Variants in NPLOC4 observed in about 807,000 individuals in gnomAD.
NPLOC4 encodes nuclear protein localization protein 4 homolog.
In NPLOC4, 18 loss-of-function variants were observed where a neutral mutation model predicts 80.6. The ratio of observed to expected loss-of-function variants is 0.22; its 90% CI spans 0.15 to 0.33. NPLOC4 has a LOEUF of 0.33. Among genes scored for constraint, NPLOC4 ranks in the 10% least tolerant of loss-of-function variants. The pLI is 1.00. For synonymous variants in NPLOC4, 313 were observed against 301.5 expected (o/e 1.04, Z -0.39); for missense variants, 540 against 786.1 (o/e 0.69, Z 3.74).
chr17:81,607,415 CTG>C (rs1454630170), intron 6 of NPLOC4, among the ~76,000 whole-genome samples: 2 of 150,068 alleles, frequency 1.3e-5, no homozygotes, highest in East Asian at 3.9e-4. Context: ...AAAAAGAAAT[CTG>C]TATCTTTAAG....
At chr17:81,620,308 C>T (rs982331778) in intron 3 of NPLOC4, among the ~76,000 whole-genome samples, 4 of 152,018 alleles carry the variant, frequency 2.6e-5, no homozygotes, top group African/African-American at 9.7e-5. Context: ...CCAGCTTGGC[C>T]AACTTAGTGA....
chr17:81,617,081 C>T (rs955849865), intron 3 of NPLOC4, among the ~76,000 whole-genome samples: 1 of 152,122 alleles, frequency 6.6e-6, no homozygotes, highest in Non-Finnish European at 1.5e-5. Context: ...CCAACAGTCA[C>T]GAGACCCAAG....
At chr17:81,636,806 G>C (rs890506059) in intron 1 of NPLOC4, 110 bp downstream of exon 1, 4 of 1,181,466 alleles carry the variant, frequency 3.4e-6, no homozygotes, top group African/African-American at 1.6e-5. Context: ...CGAGAGAAGA[G>C]AAAGGGGCCG....
At chr17:81,576,860 G>A (rs1009805268) in intron 12 of NPLOC4, among the ~76,000 whole-genome samples, 3 of 152,178 alleles carry the variant, frequency 2.0e-5, no homozygotes, top group Non-Finnish European at 4.4e-5. Flanking sequence ...TCACGGGCGC[G>A]AGGGCAAGGC....
Position 81,572,171 on chromosome 17 carries a change from A to G in NPLOC4, c.1282-83T>C. 1 of 614,192 alleles carries G rather than the reference A, an allele frequency of 1.6e-6. No homozygotes were observed. The highest frequency in any genetic ancestry group is 2.6e-6 in the Non-Finnish European group (1 of 391,718). The allele number at this position is 614,192 out of a possible 1,614,324, so 38.0% of individuals were successfully genotyped here. ...CTTTCACATGCTTGTCTCACCTTTTATTTAATTAATTAATTTATTTATTTA... is the reference window on the plus strand; with the variant it reads ...CTTTCACATGCTTGTCTCACCTTTTGTTTAATTAATTAATTTATTTATTTA... On this transcript the variant is annotated intron_variant, in intron 12 of 16. Coordinates refer to ENST00000331134, the MANE Select transcript of NPLOC4 (RefSeq NM_017921.4). This position sits in a 1 kb window ranked among gnomAD's most constrained non-coding sequence, Gnocchi z 4.5.
At chr17:81,628,152 A>C (rs2035845219) in intron 2 of NPLOC4, among the ~76,000 whole-genome samples, 1 of 151,742 alleles carries the variant, frequency 6.6e-6, no homozygotes, top group African/African-American at 2.4e-5. Context: ...CGGAGCTTGC[A>C]GTGAGCCAAG....
chr17:81,600,411 C>A lies in NPLOC4; in HGVS notation c.851G>T (p.Ser284Ile). The A allele has an allele frequency of 6.2e-7, 1 of 1,612,426 alleles. No individual in the cohort carries two copies. The highest frequency in any genetic ancestry group is 8.5e-7 in the Non-Finnish European group (1 of 1,179,260). ...YEPPQIGTQN[S>I]LELLEDPKAE... is the part of the protein sequence containing the mutation. Reference sequence around the variant, plus strand: ...TTTTGGATCCTCAAGAAGCTCCAAGCTGTTCTGTGTACCAATCTGCAGGGA... The same window carrying A: ...TTTTGGATCCTCAAGAAGCTCCAAGATGTTCTGTGTACCAATCTGCAGGGA... Residue 284 changes from serine (S) to isoleucine (I), a missense_variant, in exon 9 of 17, where the codon AGC becomes ATC. Transcript: ENST00000331134.
At chr17:81,593,653 T>C (rs1598644267) in intron 11 of NPLOC4, among the ~76,000 whole-genome samples, 2 of 152,086 alleles carry the variant, frequency 1.3e-5, no homozygotes, top group East Asian at 3.9e-4. Context: ...TGTACCCAGA[T>C]ATCAGCCTAC....
chr17:81,568,993 G>A, intron 14 of NPLOC4, 23 bp downstream of exon 14: 1 of 1,430,960 alleles, frequency 7.0e-7, no homozygotes, highest in Non-Finnish European at 9.8e-7. Flanking sequence ...CTTAAATTAT[G>A]TTTCTAAAGA....
chr17:81,617,249 AG>A (rs370648770), intron 3 of NPLOC4, among the ~76,000 whole-genome samples: 2,098 of 152,270 alleles, frequency 0.014, 58 homozygotes, highest in African/African-American at 0.048. Context: ...AGACAGATTT[AG>A]GGGGAAAAAA....
rs190310964 is a variant in NPLOC4 at position 81,558,932 on chromosome 17, T to C, written c.*327A>G. The C allele has an allele frequency of 9.9e-4, 232 of 234,990 alleles. 5 individuals are homozygous for C. The Admixed American group carries it at 0.012, about 12-fold the overall frequency. 14.6% of individuals were successfully genotyped at this position (234,990 alleles called of 1,614,324 possible). A position where few individuals can be genotyped will look rare whatever the true frequency, so the allele number is the denominator to read the frequency against. On this transcript the variant is annotated 3_prime_UTR_variant, in exon 17 of 17. Transcript: ENST00000331134. ...GGTGGTGGCAGCATCGGCCCCTCCC[T>C]GTGCGCCCCAATTCCAGGTGCCACG...
chr17:81,625,855 G>GA (rs2035782170), intron 2 of NPLOC4, among the ~76,000 whole-genome samples: 1 of 151,804 alleles, frequency 6.6e-6, no homozygotes, highest in Admixed American at 6.6e-5. Context: ...CTCCTCACTA[G>GA]AAAAAAATGA....
At position 81,636,913 on chromosome 17, in the gene NPLOC4, C is replaced by T; in HGVS notation, c.15+3G>A. On this transcript the variant is annotated splice_donor_region_variant and intron_variant, in intron 1 of 16. Transcript: ENST00000331134. ...CCCGCTCCCGCCCGGCCGCCGCACT[C>T]ACGATGCTCTCGGCCATGGCGGCTG... 7 of 1,406,968 alleles carry T rather than the reference C, an allele frequency of 5.0e-6. No homozygotes were observed. Among genetic ancestry groups the T allele is most frequent in the Non-Finnish European group, 6.5e-6 (7 of 1,076,148 alleles). The allele number at this position is 1,406,968 out of a possible 1,614,324, so 87.2% of individuals were successfully genotyped here.
intron 11 of NPLOC4, among the ~76,000 whole-genome samples, chr17:81,591,469 A>AAAAC (rs2034742370): frequency 6.8e-6 from 1 of 147,118 alleles, no homozygotes; most frequent in South Asian, 2.1e-4. Context: ...AAAAAAAAAA[A>AAAAC]AAACCTGCTC....
intron 11 of NPLOC4, among the ~76,000 whole-genome samples, chr17:81,589,919 A>C (rs1290954573): frequency 6.6e-6 from 1 of 152,092 alleles, no homozygotes. Flanking sequence ...TAGTGTCATC[A>C]GCACTTGGGC....
rs574821548 is a variant in NPLOC4, at chr17:81,580,812, G to T, written c.1281+8132C>A. The stretch of plus-strand genomic sequence containing the variant: ...CTCTAAACATGAGAGAATGGATGCC[G>T]TGAGAGCATCGCACAGTGAATCAGG... On this transcript the variant is annotated intron_variant, in intron 12 of 16. Coordinates refer to ENST00000331134, the MANE Select transcript of NPLOC4 (RefSeq NM_017921.4). The surrounding 1 kb of genome is among the most constrained non-coding windows in gnomAD (Gnocchi z 4.4). Among the ~76,000 whole-genome samples, 6 of 152,328 alleles carry T rather than the reference G, an allele frequency of 3.9e-5. No individual in the cohort carries two copies. Among genetic ancestry groups the T allele is most frequent in the Admixed American group, 6.5e-5 (1 of 15,310 alleles).
At chr17:81,576,112 G>A (rs116152183) in intron 12 of NPLOC4, among the ~76,000 whole-genome samples, 1 of 152,218 alleles carries the variant, frequency 6.6e-6, no homozygotes, top group Non-Finnish European at 1.5e-5. Context: ...AGGAGACACA[G>A]ATACCTTGTT....
chr17:81,574,506 A>C (rs1195276249), intron 12 of NPLOC4, among the ~76,000 whole-genome samples: 1 of 152,176 alleles, frequency 6.6e-6, no homozygotes, highest in African/African-American at 2.4e-5. Flanking sequence ...AGAAAATGTC[A>C]GTTGGAATGC....
intron 12 of NPLOC4, among the ~76,000 whole-genome samples, chr17:81,587,247 G>A (rs1598637764): frequency 6.6e-6 from 1 of 152,238 alleles, no homozygotes; most frequent in East Asian, 1.9e-4. Context: ...GCTGAGGCGG[G>A]AGGACTGCTC....
Sources: gnomAD v4.1 joint callset for allele counts (sites outside exome capture counted in the v4.1 genomes callset) on GRCh38, gnomAD v4.1.1 for gene constraint, Gnocchi (gnomAD v3.1) non-coding constraint, MANE v1.5 for transcripts, NCBI Gene and HGNC (gene_info 2026-07-23, HGNC 2026-07-21) for gene names.